SYNPR: variants seen among roughly 807,000 people sequenced by gnomAD.
SYNPR encodes synaptoporin.
In SYNPR, 23 loss-of-function variants were observed where a neutral mutation model predicts 32.9. That is an observed-to-expected ratio of 0.70 (90% confidence interval 0.50 to 0.99). SYNPR has a LOEUF of 0.99. Among genes scored for constraint, SYNPR ranks in the 50% least tolerant of loss-of-function variants. SYNPR has a pLI of 0.00. For missense variants in SYNPR, 318 were observed against 349.3 expected (o/e 0.91, Z 0.71); for synonymous variants, 146 against 135.9 (o/e 1.07, Z -0.52).
chr3:63,492,096 C>T (rs748359191), intron 3 of SYNPR, among the ~76,000 whole-genome samples: 2 of 152,084 alleles, frequency 1.3e-5, no homozygotes, highest in Non-Finnish European at 2.9e-5. Flanking sequence ...AAGATGTTCA[C>T]CAAAGCAACA....
intron 5 of SYNPR, chr3:63,610,418 T>G: frequency 1.5e-6 from 1 of 667,786 alleles, no homozygotes; most frequent in Non-Finnish European, 2.7e-6. Flanking sequence ...AGAACATTCT[T>G]TAGCACATCC....
At chr3:63,312,302 C>A (rs1560188083) in intron 2 of SYNPR, among the ~76,000 whole-genome samples, 1 of 151,980 alleles carries the variant, frequency 6.6e-6, no homozygotes, top group Non-Finnish European at 1.5e-5. Flanking sequence ...AGTTCTATAA[C>A]CTGCTGGCCA....
intron 2 of SYNPR, among the ~76,000 whole-genome samples, chr3:63,479,446 G>GCGCGCGCGCACACA (rs6147854): frequency 3.5e-4 from 48 of 135,852 alleles, no homozygotes; most frequent in African/African-American, 1.3e-3. Flanking sequence ...CCACACACAT[G>GCGCGCGCGCACACA]CACACACACA....
chr3:63,453,158 G>C (rs1380001611), intron 2 of SYNPR, among the ~76,000 whole-genome samples: 6 of 152,140 alleles, frequency 3.9e-5, no homozygotes, highest in African/African-American at 1.2e-4. Flanking sequence ...GAGAAGCTCA[G>C]ATCTAGCACA....
chr3:63,318,065 G>T (rs1199381294), intron 2 of SYNPR, among the ~76,000 whole-genome samples: 3 of 152,064 alleles, frequency 2.0e-5, no homozygotes, highest in Non-Finnish European at 4.4e-5. Context: ...TTTGTTTGAG[G>T]AAGCTGAAGA....
chr3:63,517,286 C>T (rs1465469597), intron 3 of SYNPR, among the ~76,000 whole-genome samples: 1 of 152,116 alleles, frequency 6.6e-6, no homozygotes, highest in African/African-American at 2.4e-5. Context: ...TGGGGAGATA[C>T]TAATGCTTGA....
At chr3:63,608,140 A>G (rs1286318770) in intron 4 of SYNPR, among the ~76,000 whole-genome samples, 1 of 152,110 alleles carries the variant, frequency 6.6e-6, no homozygotes, top group African/African-American at 2.4e-5. Context: ...AATAGTCTAA[A>G]TCTTAGACAG....
In SYNPR at chr3:63,239,194, C is replaced by T. The variant is rs72499053; in HGVS notation, n.66+10814C>T. Among the ~76,000 whole-genome samples, 301 of 151,950 alleles carry T rather than the reference C, an allele frequency of 2.0e-3. 6 individuals carry two copies. The East Asian group carries it at 0.051, about 26-fold the overall frequency. ...TTTGCTGACATTTTCATCTAACACT[C>T]TGGCACAGTTTCTTCAAAATTTACA... On this transcript the variant is annotated intron_variant and non_coding_transcript_variant, in intron 1 of 4. Coordinates refer to the SYNPR transcript ENST00000478456.
chr3:63,203,088 A>G, the SYNPR span: 8 of 138,572 alleles, frequency 5.8e-5, no homozygotes, highest in South Asian at 1.1e-3. Flanking sequence ...ATATATATAT[A>G]TATATATATA....
chr3:63,476,301 A>AG lies in SYNPR; in HGVS notation c.85-4529dup, dbSNP rs1324206194. On this transcript the variant is annotated intron_variant, in intron 2 of 5. Transcript: ENST00000478300. ...GGAGGGAAGGAAGGGAAGGGAGGGA[A>AG]GGAAGGGAAGGGAGGGAAGCAAGGG... Among the ~76,000 whole-genome samples the AG allele has an allele frequency of 1.7e-3, 192 of 114,792 alleles. 14 individuals are homozygous for AG. The highest frequency in any genetic ancestry group is 3.9e-3 in the Middle Eastern group (1 of 254). The allele number at this position is 114,792 out of a possible 152,430, so 75.3% of individuals were successfully genotyped here.
intron 2 of SYNPR, among the ~76,000 whole-genome samples, chr3:63,457,041 G>A (rs1575654390): frequency 1.3e-5 from 2 of 152,044 alleles, no homozygotes; most frequent in Admixed American, 6.6e-5. Flanking sequence ...GTAAGAAGTC[G>A]CTGTATATAG....
At chr3:63,566,215 G>A (rs543487625) in intron 4 of SYNPR, among the ~76,000 whole-genome samples, 43 of 151,986 alleles carry the variant, frequency 2.8e-4, no homozygotes, top group African/African-American at 8.2e-4. Context: ...TAACTTTTAC[G>A]GCTACCACAA....
chr3:63,222,396 T>G, the SYNPR span, among the ~76,000 whole-genome samples: 6 of 152,222 alleles, frequency 3.9e-5, no homozygotes, highest in African/African-American at 1.4e-4. Context: ...ATTATTTTTA[T>G]CTTTTAAAAC....
chr3:63,424,359 C>A (rs1377828706), intron 2 of SYNPR, among the ~76,000 whole-genome samples: 2 of 151,988 alleles, frequency 1.3e-5, no homozygotes, highest in Non-Finnish European at 2.9e-5. Context: ...TGAAGGTAGG[C>A]CAGTCTATAT....
At chr3:63,451,857 C>G (rs1406057944) in intron 2 of SYNPR, among the ~76,000 whole-genome samples, 2 of 152,098 alleles carry the variant, frequency 1.3e-5, no homozygotes, top group Non-Finnish European at 2.9e-5. Flanking sequence ...TACATTTGAT[C>G]AGAAAACTCG....
chr3:63,518,698 T>TGA (rs1304812463), intron 3 of SYNPR, among the ~76,000 whole-genome samples: 1 of 152,168 alleles, frequency 6.6e-6, no homozygotes, highest in African/African-American at 2.4e-5. Context: ...GGCACAGTTC[T>TGA]GAGTGCTTTA....
chr3:63,466,967 C>T (rs749863298), intron 2 of SYNPR, among the ~76,000 whole-genome samples: 30 of 152,086 alleles, frequency 2.0e-4, no homozygotes, highest in Non-Finnish European at 3.5e-4. Context: ...TCTATTATTT[C>T]TTCTTCATTA....
rs149010789 is a variant in SYNPR, at chr3:63,352,827, C to T, written c.84+74085C>T. ...CAAGAAAGCATGTGTAGGGGAGCTCCCCTTTGTTAAACCATCATATCTCCT... is the reference window on the plus strand; with the variant it reads ...CAAGAAAGCATGTGTAGGGGAGCTCTCCTTTGTTAAACCATCATATCTCCT... On this transcript the variant is annotated intron_variant, in intron 2 of 5. Transcript: ENST00000478300. 5.8e-3 allele frequency among the ~76,000 whole-genome samples: 877 copies of T among 152,162 alleles called. 7 individuals carry two copies. The highest frequency in any genetic ancestry group is 0.02 in the African/African-American group (843 of 41,486).
chr3:63,398,634 G>A (rs1265936708), intron 2 of SYNPR, among the ~76,000 whole-genome samples: 2 of 152,036 alleles, frequency 1.3e-5, no homozygotes, highest in East Asian at 3.9e-4. Flanking sequence ...AAGGAGAATG[G>A]CGTGAACCTA....
Sources: gnomAD v4.1 joint callset for allele counts (sites outside exome capture counted in the v4.1 genomes callset) on GRCh38, gnomAD v4.1.1 for gene constraint, MANE v1.5 for transcripts, NCBI Gene and HGNC (gene_info 2026-07-23, HGNC 2026-07-21) for gene names.